The following CHCHD6 variants were observed in gnomAD, a reference collection of about 807,000 sequenced individuals.
CHCHD6 encodes MICOS complex subunit MIC25.
CHCHD6 carries 28 observed loss-of-function variants against 32.3 expected under a neutral mutation model. That is an observed-to-expected ratio of 0.87 (90% CI 0.64 to 1.19). CHCHD6 has a LOEUF of 1.19. Ranked by LOEUF, CHCHD6 falls within the 50% of genes most tolerant of loss-of-function variation. CHCHD6 has a pLI of 0.00. For missense variants in CHCHD6, 333 were observed against 307.0 expected (o/e 1.08, Z -0.63); for synonymous variants, 122 against 117.5 (o/e 1.04, Z -0.25).
At chr3:126,820,804 A>G (rs1160397123) in intron 4 of CHCHD6, among the ~76,000 whole-genome samples, 2 of 152,110 alleles carry the variant, frequency 1.3e-5, no homozygotes, top group African/African-American at 4.8e-5. Flanking sequence ...CCACATTCCT[A>G]CCACCATTTT....
intron 5 of CHCHD6, among the ~76,000 whole-genome samples, chr3:126,881,960 A>G (rs928521884): frequency 2.8e-4 from 42 of 152,148 alleles, no homozygotes; most frequent in Non-Finnish European, 5.6e-4. Context: ...CCTTCCACTT[A>G]AACAAGGGTC....
chr3:126,709,673 G>A lies in CHCHD6; in HGVS notation c.87+5274G>A, dbSNP rs960072440. Among the ~76,000 whole-genome samples the A allele has an allele frequency of 2.0e-5, 3 of 152,064 alleles. 1 individual carries two copies. The highest frequency in any genetic ancestry group is 4.1e-4 in the South Asian group (2 of 4,820). On this transcript the variant is annotated intron_variant, in intron 1 of 7. Coordinates refer to ENST00000290913, the MANE Select transcript of CHCHD6 (RefSeq NM_032343.3). ...TTCACCAACACTTGTTATTATCTTC[G>A]ATTCTAGCAATTCTAGTGGCTGTGA...
intron 4 of CHCHD6, among the ~76,000 whole-genome samples, chr3:126,814,783 C>T (rs940668343): frequency 6.6e-6 from 1 of 152,194 alleles, no homozygotes; most frequent in Non-Finnish European, 1.5e-5. Context: ...ATTAATCAAA[C>T]CCAAGAGAGG....
chr3:126,892,385 C>G (rs1181410749), intron 5 of CHCHD6, among the ~76,000 whole-genome samples: 1 of 152,248 alleles, frequency 6.6e-6, no homozygotes, highest in Non-Finnish European at 1.5e-5. Flanking sequence ...GCCCCCGACT[C>G]TATCCAGAAC....
intron 6 of CHCHD6, among the ~76,000 whole-genome samples, chr3:126,932,480 G>A (rs2078419952): frequency 6.6e-6 from 1 of 152,200 alleles, no homozygotes; most frequent in Admixed American, 6.5e-5. Flanking sequence ...CTTCTGAACT[G>A]CCTCAAAGAG....
chr3:126,927,655 G>A (rs986048286), intron 6 of CHCHD6, among the ~76,000 whole-genome samples: 5 of 152,148 alleles, frequency 3.3e-5, no homozygotes, highest in African/African-American at 4.8e-5. Context: ...TAAAGCCAGC[G>A]TCCCCACAGG....
At chr3:126,717,864 T>C (rs925116305) in intron 1 of CHCHD6, among the ~76,000 whole-genome samples, 3 of 152,214 alleles carry the variant, frequency 2.0e-5, no homozygotes, top group Admixed American at 1.3e-4. Context: ...TTCACTACTC[T>C]GCACGCGTTC....
chr3:126,863,766 C>T lies in CHCHD6; in HGVS notation c.495+11036C>T, dbSNP rs1284324373. On this transcript the variant is annotated intron_variant, in intron 5 of 7. Coordinates refer to ENST00000290913, the MANE Select transcript of CHCHD6 (RefSeq NM_032343.3). ...CCACCTCCTCTTCCACCACCATCAC[C>T]TCCTCCTCCACCACCATCAGCACCT... Among the ~76,000 whole-genome samples, 6 of 150,188 alleles carry T rather than the reference C, an allele frequency of 4.0e-5. 1 individual carries two copies. The highest frequency in any genetic ancestry group is 7.4e-5 in the Non-Finnish European group (5 of 67,510).
chr3:126,732,771 G>A (rs995476216), intron 3 of CHCHD6, among the ~76,000 whole-genome samples: 1 of 152,232 alleles, frequency 6.6e-6, no homozygotes, highest in Non-Finnish European at 1.5e-5. Flanking sequence ...CGTGGATTGA[G>A]CCCCTCCCTG....
intron 1 of CHCHD6, among the ~76,000 whole-genome samples, chr3:126,724,861 T>C (rs890053544): frequency 2.0e-5 from 3 of 152,122 alleles, no homozygotes; most frequent in African/African-American, 7.2e-5. Context: ...AAGAAGCAAC[T>C]CCTCATCTGT....
At chr3:126,780,322 G>A (rs1260147744) in intron 4 of CHCHD6, 6 of 426,080 alleles carry the variant, frequency 1.4e-5, no homozygotes, top group Non-Finnish European at 4.7e-6. Flanking sequence ...CTTCATTTGT[G>A]GTTTTATTTT....
intron 2 of CHCHD6, among the ~76,000 whole-genome samples, chr3:126,727,931 T>A (rs963298847): frequency 6.6e-6 from 1 of 152,088 alleles, no homozygotes. Flanking sequence ...AACATACTTG[T>A]TTTTGAGAAC....
chr3:126,862,364 C>T lies in CHCHD6; in HGVS notation c.495+9634C>T, dbSNP rs1941946404. Among the ~76,000 whole-genome samples, 7 of 139,848 alleles carry T rather than the reference C, an allele frequency of 5.0e-5. No homozygotes were observed. In the South Asian group the frequency reaches 1.5e-3, roughly 30 times the overall value. 91.7% of individuals were successfully genotyped at this position (139,848 alleles called of 152,430 possible). A position where few individuals can be genotyped will look rare whatever the true frequency, so the allele number is the denominator to read the frequency against. ...TCCTCCTCCCCCACTATCACCACCT[C>T]CTCCACCACCATCACCACCTCCTCC... On this transcript the variant is annotated intron_variant, in intron 5 of 7. Coordinates refer to ENST00000290913, the MANE Select transcript of CHCHD6 (RefSeq NM_032343.3).
At chr3:126,947,147 C>T (rs1025890417) in intron 6 of CHCHD6, among the ~76,000 whole-genome samples, 2 of 152,258 alleles carry the variant, frequency 1.3e-5, no homozygotes, top group African/African-American at 2.4e-5. Flanking sequence ...AACGACTTGG[C>T]CACCTACGAT....
chr3:126,912,170 C>T (rs1305885436), intron 5 of CHCHD6, among the ~76,000 whole-genome samples: 1 of 152,150 alleles, frequency 6.6e-6, no homozygotes, highest in Non-Finnish European at 1.5e-5. Context: ...TATGCCAAAG[C>T]GCAAATCAAA....
chr3:126,890,609 G>A (rs1310177057), intron 5 of CHCHD6, among the ~76,000 whole-genome samples: 2 of 152,242 alleles, frequency 1.3e-5, no homozygotes, highest in Non-Finnish European at 2.9e-5. Flanking sequence ...TTCTGTAGCT[G>A]TGGGGCTTCT....
chr3:126,865,134 TCCACCACCA>T (rs1184461158), intron 5 of CHCHD6, among the ~76,000 whole-genome samples: 17 of 98,874 alleles, frequency 1.7e-4, no homozygotes, highest in Non-Finnish European at 3.3e-4. Context: ...CTCCTCCTCC[TCCACCACCA>T]CCTCCTTTTC....
chr3:126,754,495 C>T (rs573731578), intron 4 of CHCHD6, among the ~76,000 whole-genome samples: 10 of 152,304 alleles, frequency 6.6e-5, no homozygotes, highest in African/African-American at 1.9e-4. Context: ...CCCAGTGGCA[C>T]CCTTTGTGGC....
intron 4 of CHCHD6, among the ~76,000 whole-genome samples, chr3:126,785,780 C>T (rs1375525859): frequency 6.6e-6 from 1 of 151,988 alleles, no homozygotes; most frequent in Non-Finnish European, 1.5e-5. Flanking sequence ...AATTTTTCCT[C>T]CCCCCAGCCC....
Sources: gnomAD v4.1 joint callset for allele counts (sites outside exome capture counted in the v4.1 genomes callset) on GRCh38, gnomAD v4.1.1 for gene constraint, MANE v1.5 for transcripts, NCBI Gene and HGNC (gene_info 2026-07-23, HGNC 2026-07-21) for gene names.